INPP5A: variants seen among roughly 807,000 people sequenced by gnomAD.
INPP5A encodes the protein 43 kDa inositol polyphosphate 5-phophatase.
Under a neutral mutation model 65.2 loss-of-function variants are expected in INPP5A, and 14 were observed. The observed-to-expected ratio is 0.21, with a 90% CI of 0.14 to 0.34. The LOEUF (loss-of-function observed/expected upper bound fraction) is 0.34, where lower values mean the gene tolerates loss of function less well. INPP5A is among the 10% of genes least tolerant of loss of function. The pLI, the probability that INPP5A is intolerant of heterozygous loss-of-function variation, is 1.00. For synonymous variants in INPP5A, 207 were observed against 208.3 expected, an observed-to-expected ratio of 0.99 and a Z score of 0.05; for missense variants, 431 against 545.6, an observed-to-expected ratio of 0.79 and a Z score of 2.09.
intron 11 of INPP5A, among the ~76,000 whole-genome samples, chr10:132,756,950 T>A (rs1846632985): frequency 6.6e-6 from 1 of 152,234 alleles, no homozygotes; most frequent in Non-Finnish European, 1.5e-5. Flanking sequence ...AAAAATGTTT[T>A]AAGATTTTGA....
chr10:132,582,415 C>CT (rs34719567), intron 1 of INPP5A, among the ~76,000 whole-genome samples: 9,408 of 132,796 alleles, frequency 0.071, 383 homozygotes, highest in South Asian at 0.16. Flanking sequence ...TTGTTGATAA[C>CT]TTTTTTTTTT....
At chr10:132,781,020 C>A in intron 14 of INPP5A, 103 bp downstream of exon 14, 1 of 791,588 alleles carries the variant, frequency 1.3e-6, no homozygotes. Context: ...GGCTGGCAGG[C>A]AGGTGGGCGG....
chr10:132,683,652 A>G (rs369144199), intron 4 of INPP5A, among the ~76,000 whole-genome samples: 5 of 152,256 alleles, frequency 3.3e-5, no homozygotes, highest in South Asian at 2.1e-4. Flanking sequence ...ATCAATTACA[A>G]TACTCAAATA....
chr10:132,596,183 C>T (rs1420698264), intron 1 of INPP5A, among the ~76,000 whole-genome samples: 3 of 152,172 alleles, frequency 2.0e-5, no homozygotes, highest in Non-Finnish European at 4.4e-5. Flanking sequence ...GGAAAGGGTT[C>T]AGTCTCTCTA....
rs1412893533 is a variant in INPP5A, at chr10:132,603,029, A to G, written c.76-4886A>G. On this transcript the variant is annotated intron_variant, in intron 1 of 15. Coordinates refer to ENST00000368594, the MANE Select transcript of INPP5A (RefSeq NM_005539.5). This position sits in a 1 kb window ranked among gnomAD's most constrained non-coding sequence, Gnocchi z 4.2. ...TTTAGTTTCTTTGTGGAATAAAGAA[A>G]GGATCTAATATAGCATTTTAAAAGT... Among the ~76,000 whole-genome samples the G allele has an allele frequency of 6.6e-6, 1 of 152,238 alleles. No individual in the cohort carries two copies. Among genetic ancestry groups the G allele is most frequent in the Non-Finnish European group, 1.5e-5 (1 of 68,044 alleles).
At chr10:132,543,660 C>T (rs1434970511) in intron 1 of INPP5A, among the ~76,000 whole-genome samples, 2 of 152,254 alleles carry the variant, frequency 1.3e-5, no homozygotes, top group African/African-American at 4.8e-5. Flanking sequence ...TCAAGTGATC[C>T]CCTGGCCTTG....
chr10:132,586,739 A>G (rs1590848446), intron 1 of INPP5A, among the ~76,000 whole-genome samples: 1 of 152,330 alleles, frequency 6.6e-6, no homozygotes, highest in African/African-American at 2.4e-5. Flanking sequence ...AATTTCCCCA[A>G]ATTTCTGAAA....
intron 11 of INPP5A, among the ~76,000 whole-genome samples, chr10:132,755,631 TGA>T (rs1394429217): frequency 2.0e-5 from 3 of 150,912 alleles, no homozygotes; most frequent in African/African-American, 2.4e-5. Context: ...TGTGTGTGTG[TGA>T]GCAGGCGTGT....
At chr10:132,737,373 C>T (rs1215834122) in intron 9 of INPP5A, among the ~76,000 whole-genome samples, 1 of 152,148 alleles carries the variant, frequency 6.6e-6, no homozygotes, top group Non-Finnish European at 1.5e-5. Flanking sequence ...GCCCCATCCT[C>T]CTGCTGCCGT....
rs1845783244 is a variant in INPP5A at position 132,718,303 on chromosome 10, G to A, written c.647+7847G>A. Among the ~76,000 whole-genome samples the A allele has an allele frequency of 2.7e-5, 4 of 148,712 alleles. No individual in the cohort carries two copies. In the South Asian group the frequency reaches 8.6e-4, roughly 32 times the overall value. ...CTTTCTGGGGGCGCCTTAGACAGCTGTCTTCAGGGTTCTGTGGTACCTGGG... is the reference window on the plus strand; with the variant it reads ...CTTTCTGGGGGCGCCTTAGACAGCTATCTTCAGGGTTCTGTGGTACCTGGG... On this transcript the variant is annotated intron_variant, in intron 8 of 15. Transcript: ENST00000368594.
chr10:132,667,834 G>A (rs1217058038), intron 4 of INPP5A, among the ~76,000 whole-genome samples: 1 of 152,196 alleles, frequency 6.6e-6, no homozygotes, highest in East Asian at 1.9e-4. Context: ...TGAACTGGCG[G>A]CATGCGGGGA....
rs1159911145 is a variant in INPP5A at position 132,594,512 on chromosome 10, C to T, written c.76-13403C>T. Among the ~76,000 whole-genome samples, 3 of 151,998 alleles carry T rather than the reference C, an allele frequency of 2.0e-5. No homozygotes were observed. The East Asian group carries it at 5.8e-4, about 29-fold the overall frequency. ...AGGCATGTGGTGAGTGTGTGGGGTGCGTTTGCATGCCTGTGCACGGGTGGT... is the reference window on the plus strand; with the variant it reads ...AGGCATGTGGTGAGTGTGTGGGGTGTGTTTGCATGCCTGTGCACGGGTGGT... On this transcript the variant is annotated intron_variant, in intron 1 of 15. Transcript: ENST00000368594.
intron 1 of INPP5A, among the ~76,000 whole-genome samples, chr10:132,567,106 C>T (rs1286992057): frequency 6.6e-6 from 1 of 152,118 alleles, no homozygotes; most frequent in Non-Finnish European, 1.5e-5. Flanking sequence ...GGGAGGCTCC[C>T]GGGTGGGCAA....
At chr10:132,691,479 A>T (rs916992194) in intron 5 of INPP5A, among the ~76,000 whole-genome samples, 1 of 152,262 alleles carries the variant, frequency 6.6e-6, no homozygotes, top group East Asian at 1.9e-4. Context: ...CGTGTGCTGC[A>T]GGAAGCTGGA....
chr10:132,624,374 C>T (rs982016802), intron 2 of INPP5A, among the ~76,000 whole-genome samples: 1 of 152,254 alleles, frequency 6.6e-6, no homozygotes, highest in Non-Finnish European at 1.5e-5. Context: ...TGTGGTGCCA[C>T]TTGCACACCG....
At chr10:132,557,117 C>T (rs1777563033) in intron 1 of INPP5A, among the ~76,000 whole-genome samples, 2 of 152,240 alleles carry the variant, frequency 1.3e-5, no homozygotes, top group Non-Finnish European at 2.9e-5. Flanking sequence ...TTGGTCAGTT[C>T]CGCCTAAAGG....
At chr10:132,568,911 ATTTTTTTTTT>A (rs1171904388) in intron 1 of INPP5A, among the ~76,000 whole-genome samples, 1 of 129,054 alleles carries the variant, frequency 7.7e-6, no homozygotes, top group African/African-American at 2.9e-5. Context: ...TCTTACCGGC[ATTTTTTTTTT>A]TTTTTTTTTT....
rs2071040833 is a variant in INPP5A at position 132,550,906 on chromosome 10, T to A, written c.75+12735T>A. ...GGCGTTTGGCCTTCAGGGTGGTCAT[T>A]GGGTGCGTGGCTCTCTAGGGTGGAC... is the stretch of plus-strand genomic sequence containing the variant. On this transcript the variant is annotated intron_variant, in intron 1 of 15. Transcript: ENST00000368594. The surrounding 1 kb of genome is among the most constrained non-coding windows in gnomAD (Gnocchi z 4.2). Among the ~76,000 whole-genome samples the A allele has an allele frequency of 6.6e-6, 1 of 152,186 alleles. No individual in the cohort carries two copies. The highest frequency in any genetic ancestry group is 2.1e-4 in the South Asian group (1 of 4,826).
intron 4 of INPP5A, among the ~76,000 whole-genome samples, chr10:132,671,084 C>A (rs2072883856): frequency 6.6e-6 from 1 of 152,014 alleles, no homozygotes; most frequent in Admixed American, 6.5e-5. Flanking sequence ...GAAGGTCTCT[C>A]TTTCATATTG....
Sources: gnomAD v4.1 joint callset for allele counts (sites outside exome capture counted in the v4.1 genomes callset) on GRCh38, gnomAD v4.1.1 for gene constraint, Gnocchi (gnomAD v3.1) non-coding constraint, MANE v1.5 for transcripts, NCBI Gene and HGNC (gene_info 2026-07-23, HGNC 2026-07-21) for gene names.